KYAT3: variants seen among roughly 807,000 people sequenced by gnomAD.
KYAT3 encodes kynurenine aminotransferase 3.
Under a neutral mutation model 59.0 loss-of-function variants are expected in KYAT3, and 50 were observed. The ratio of observed to expected loss-of-function variants is 0.85; its 90% CI spans 0.68 to 1.07. The LOEUF is 1.07. Among genes scored for constraint, KYAT3 ranks in the 50% least tolerant of loss-of-function variants. The pLI is 0.00. For missense variants in KYAT3, 497 were observed against 533.3 expected, an observed-to-expected ratio of 0.93 and a Z score of 0.67; for synonymous variants, 148 against 177.0, an observed-to-expected ratio of 0.84 and a Z score of 1.30.
At chr1:88,942,804 A>C (rs1235053619) in intron 13 of KYAT3, among the ~76,000 whole-genome samples, 2 of 151,968 alleles carry the variant, frequency 1.3e-5, no homozygotes, top group African/African-American at 4.8e-5. Flanking sequence ...CCTCGTGATC[A>C]GCCCGCCTCG....
chr1:88,956,018 A>G (rs1227749274), intron 8 of KYAT3, among the ~76,000 whole-genome samples: 2 of 152,204 alleles, frequency 1.3e-5, no homozygotes, highest in Non-Finnish European at 2.9e-5. Flanking sequence ...TTATCTCAAA[A>G]GAAGCCCTGT....
chr1:88,924,203 G>A, the KYAT3 span, among the ~76,000 whole-genome samples: 2 of 152,196 alleles, frequency 1.3e-5, no homozygotes, highest in Non-Finnish European at 2.9e-5. Context: ...ATGTGCCTGT[G>A]GCCACTCCAC....
intron 2 of KYAT3, chr1:88,982,919 G>C (rs1355720241): frequency 3.1e-6 from 5 of 1,613,976 alleles, no homozygotes; most frequent in Non-Finnish European, 4.2e-6. Context: ...TCCACCATAA[G>C]ATGGCGGGGG....
the KYAT3 span, among the ~76,000 whole-genome samples, chr1:88,926,105 T>C: frequency 2.0e-5 from 3 of 152,234 alleles, no homozygotes; most frequent in African/African-American, 7.2e-5. Flanking sequence ...GAAACCTCAT[T>C]GTGAGCACAC....
Position 88,961,063 on chromosome 1 carries a change from C to T in KYAT3, c.787+104G>A, listed in dbSNP as rs1459175738. 3.7e-6 allele frequency: 4 copies of T among 1,076,218 alleles called. No homozygotes were observed. In the Admixed American group the frequency reaches 5.7e-5, roughly 15 times the overall value. The allele number at this position is 1,076,218 out of a possible 1,614,324, so 66.7% of individuals were successfully genotyped here. ...TAAAGTGTTCATACAGACAGATACCCATTACAAAGACTGTTTTAGAGTTGG... is the reference window on the plus strand; with the variant it reads ...TAAAGTGTTCATACAGACAGATACCTATTACAAAGACTGTTTTAGAGTTGG... On this transcript the variant is annotated intron_variant, in intron 8 of 13. Coordinates refer to ENST00000260508, the MANE Select transcript of KYAT3 (RefSeq NM_001008661.3).
In KYAT3 at chr1:88,936,208, TTGA is replaced by T. The variant is rs1159126942; in HGVS notation, c.1337_1339del (p.Ile446del). 1.2e-6 allele frequency: 2 copies of T among 1,611,656 alleles called. No individual in the cohort carries two copies. The highest frequency in any genetic ancestry group is 1.3e-5 in the African/African-American group (1 of 75,050). ...TCAAGACTTCTGTACACTCCATGCC[TTGA>T]TGATTTCTTCAGCAGCATCCAGTGT... On this transcript the variant is annotated inframe_deletion, in exon 14 of 14. Transcript: ENST00000260508.
At chr1:88,982,593 A>G in intron 2 of KYAT3, 1 of 1,530,452 alleles carries the variant, frequency 6.5e-7, no homozygotes, top group East Asian at 2.3e-5. Context: ...ATGATAGAAT[A>G]GTTTCCACTC....
At chr1:88,939,977 A>C (rs1675175884) in intron 13 of KYAT3, among the ~76,000 whole-genome samples, 1 of 152,110 alleles carries the variant, frequency 6.6e-6, no homozygotes, top group African/African-American at 2.4e-5. Context: ...TTGGGCGAAT[A>C]TTCTCTAACA....
intron 2 of KYAT3, among the ~76,000 whole-genome samples, chr1:88,987,085 A>G (rs1282181033): frequency 2.0e-5 from 3 of 152,370 alleles, no homozygotes; most frequent in Non-Finnish European, 4.4e-5. Context: ...ATGCATTGTC[A>G]GTGGTTTTTG....
Position 88,953,160 on chromosome 1 carries a change from A to T in KYAT3, c.865-8T>A, listed in dbSNP as rs9428016. The T allele has an allele frequency of 0.012, 18,895 of 1,588,772 alleles. 1,806 individuals carry two copies. In the African/African-American group the frequency reaches 0.22, roughly 18 times the overall value. On this transcript the variant is annotated splice_polypyrimidine_tract_variant and splice_region_variant and intron_variant, in intron 9 of 13. Coordinates refer to ENST00000260508, the MANE Select transcript of KYAT3 (RefSeq NM_001008661.3). ...ACCAATGGACCAGCCAAGCTGGGAA[A>T]GGAAAAGATAAAAGATTTCAGAAAA...
intron 5 of KYAT3, 80 bp downstream of exon 5, chr1:88,964,749 A>G (rs1243500495): frequency 9.0e-7 from 1 of 1,105,054 alleles, no homozygotes; most frequent in Non-Finnish European, 1.3e-6. Context: ...AGAAAAGAGT[A>G]GAATATAAGC....
At position 88,961,962 on chromosome 1, in the gene KYAT3, A is replaced by ATG. The variant is rs1676163081; in HGVS notation, c.540+96_540+97insCA. The ATG allele has an allele frequency of 3.6e-6, 3 of 836,504 alleles. No individual in the cohort carries two copies. In the Admixed American group the frequency reaches 6.0e-5, roughly 17 times the overall value. 51.8% of individuals were successfully genotyped at this position (836,504 alleles called of 1,614,324 possible). A position where few individuals can be genotyped will look rare whatever the true frequency, so the allele number is the denominator to read the frequency against. On this transcript the variant is annotated intron_variant, in intron 6 of 13. Coordinates refer to ENST00000260508, the MANE Select transcript of KYAT3 (RefSeq NM_001008661.3). Reference sequence around the variant, plus strand: ...AGATATACAGGAAATCTCCAAATGCAATCAAAGTAGAAACTTTATCATGAC... The same window carrying ATG: ...AGATATACAGGAAATCTCCAAATGCATGATCAAAGTAGAAACTTTATCATGAC...
Position 88,983,025 on chromosome 1 carries a change from G to A in KYAT3, c.99+5227C>T, listed in dbSNP as rs1413493435. On this transcript the variant is annotated intron_variant, in intron 2 of 13. Transcript: ENST00000260508. ...GGATGATCTGAATAGTCACGATCACGACCATATCCATCTCTATCGCCATAG... is the reference window on the plus strand; with the variant it reads ...GGATGATCTGAATAGTCACGATCACAACCATATCCATCTCTATCGCCATAG... The A allele has an allele frequency of 2.0e-5, 32 of 1,612,824 alleles. No homozygotes were observed. Among genetic ancestry groups the A allele is most frequent in the Non-Finnish European group, 2.7e-5 (32 of 1,179,970 alleles).
At chr1:88,973,891 G>C (rs1378782229) in intron 2 of KYAT3, among the ~76,000 whole-genome samples, 1 of 152,174 alleles carries the variant, frequency 6.6e-6, no homozygotes, top group Non-Finnish European at 1.5e-5. Flanking sequence ...TCTGAGGCAG[G>C]TGAGATGGGA....
intron 5 of KYAT3, among the ~76,000 whole-genome samples, chr1:88,962,471 C>A (rs1676184518): frequency 6.6e-6 from 1 of 152,016 alleles, no homozygotes; most frequent in Non-Finnish European, 1.5e-5. Flanking sequence ...AAGGGATATT[C>A]CAGGCAAAAC....
intron 6 of KYAT3, 46 bp downstream of exon 6, chr1:88,962,013 C>A: frequency 9.7e-6 from 13 of 1,341,482 alleles, no homozygotes; most frequent in African/African-American, 1.4e-5. Flanking sequence ...TTCAAGACTT[C>A]TTAAGTCTTG....
the KYAT3 span, among the ~76,000 whole-genome samples, chr1:88,930,117 C>T: frequency 1.3e-4 from 20 of 152,284 alleles, no homozygotes; most frequent in African/African-American, 3.8e-4. Flanking sequence ...TAATCTGTGG[C>T]GTACCTGAGT....
chr1:88,934,917 T>G (rs1674981881), downstream of KYAT3, among the ~76,000 whole-genome samples: 1 of 151,988 alleles, frequency 6.6e-6, no homozygotes, highest in East Asian at 1.9e-4. Flanking sequence ...TAGTAGATTC[T>G]AATGAAAGAA....
At chr1:88,958,924 C>G (rs899932984) in intron 8 of KYAT3, among the ~76,000 whole-genome samples, 6 of 152,132 alleles carry the variant, frequency 3.9e-5, no homozygotes, top group Non-Finnish European at 7.4e-5. Flanking sequence ...ATTCAAAGTC[C>G]TTTAGAATCA....
Sources: allele counts gnomAD v4.1 joint callset (sites outside exome capture counted in the v4.1 genomes callset), GRCh38; gene constraint gnomAD v4.1.1; transcripts MANE v1.5; gene names NCBI Gene and HGNC (gene_info 2026-07-23, HGNC 2026-07-21).